GLDC: variants seen among roughly 807,000 people sequenced by gnomAD.
GLDC encodes the protein glycine dehydrogenase (decarboxylating), mitochondrial.
A neutral mutation model predicts 121.3 loss-of-function variants in GLDC; 104 were observed. The observed-to-expected ratio is 0.86, with a 90% CI of 0.73 to 1.01. GLDC has a LOEUF of 1.01. GLDC is among the 50% of genes least tolerant of loss of function. GLDC has a pLI of 0.00. For synonymous variants in GLDC, 546 were observed against 480.6 expected (o/e 1.14, Z -1.78); for missense variants, 1,429 against 1,306.6 (o/e 1.09, Z -1.44).
chr9:6,582,157 G>A (rs1446122393), intron 15 of GLDC, among the ~76,000 whole-genome samples: 1 of 139,338 alleles, frequency 7.2e-6, no homozygotes, highest in African/African-American at 2.7e-5. Context: ...GGAGGTTGCA[G>A]TGAGCCAAGA....
At chr9:6,633,865 T>A (rs1819442321) in intron 2 of GLDC, among the ~76,000 whole-genome samples, 1 of 125,182 alleles carries the variant, frequency 8.0e-6, no homozygotes, top group African/African-American at 3.2e-5. Flanking sequence ...AGTCTCACTC[T>A]GTCGCTCAGG....
Position 6,607,301 on chromosome 9 carries a change from G to T in GLDC, c.636-632C>A, listed in dbSNP as rs141561298. On this transcript the variant is annotated intron_variant, in intron 4 of 24. Transcript: ENST00000321612. Reference sequence around the variant, plus strand: ...CAGTGATTAGATACAAGTGTAAACTGGACAGGTGCGGTGGCTCACACCTGT... The same window carrying T: ...CAGTGATTAGATACAAGTGTAAACTTGACAGGTGCGGTGGCTCACACCTGT... 5.1e-4 allele frequency among the ~76,000 whole-genome samples: 78 copies of T among 152,230 alleles called. 1 individual carries two copies. The highest frequency in any genetic ancestry group is 3.4e-3 in the Middle Eastern group (1 of 294).
At chr9:6,592,278 AG>A in intron 10 of GLDC, 55 bp from the exon 11 acceptor site, 1 of 1,078,076 alleles carries the variant, frequency 9.3e-7, no homozygotes, top group Non-Finnish European at 1.4e-6. Flanking sequence ...ACATCACTGG[AG>A]GAATCCCAAG....
At chr9:6,617,468 T>C (rs1309197461) in intron 3 of GLDC, among the ~76,000 whole-genome samples, 1 of 152,156 alleles carries the variant, frequency 6.6e-6, no homozygotes, top group Non-Finnish European at 1.5e-5. Context: ...TTTTGAGGCT[T>C]TTCTTAAGGG....
intron 2 of GLDC, among the ~76,000 whole-genome samples, chr9:6,629,795 ATTG>A (rs965003998): frequency 5.3e-5 from 8 of 151,022 alleles, no homozygotes; most frequent in African/African-American, 2.0e-4. Context: ...TACCCACAAT[ATTG>A]TTATCATTTA....
chr9:6,550,024 C>T (rs17591030), intron 21 of GLDC, among the ~76,000 whole-genome samples: 33,576 of 152,066 alleles, frequency 0.22, 4,445 homozygotes, highest in Admixed American at 0.29. Context: ...TCACTCCAGA[C>T]CAGAGAGCTT....
intron 7 of GLDC, among the ~76,000 whole-genome samples, chr9:6,603,874 C>T (rs1818676967): frequency 6.6e-6 from 1 of 151,640 alleles, no homozygotes. Flanking sequence ...GGACTACAGG[C>T]GCCCACCACC....
At chr9:6,577,679 C>G (rs1818093843) in intron 15 of GLDC, among the ~76,000 whole-genome samples, 1 of 152,132 alleles carries the variant, frequency 6.6e-6, no homozygotes, top group South Asian at 2.1e-4. Flanking sequence ...TTTCATACAT[C>G]TTTCCACCTA....
chr9:6,600,791 C>G (rs1435197211), intron 8 of GLDC, among the ~76,000 whole-genome samples: 1 of 152,158 alleles, frequency 6.6e-6, no homozygotes, highest in Non-Finnish European at 1.5e-5. Flanking sequence ...AACACTTCGA[C>G]CTAAGCCCTG....
chr9:6,619,871 C>A (rs1223433892), intron 3 of GLDC, among the ~76,000 whole-genome samples: 1 of 152,166 alleles, frequency 6.6e-6, no homozygotes, highest in Non-Finnish European at 1.5e-5. Flanking sequence ...AATCTGCCCA[C>A]CTGCAGGTTT....
intron 16 of GLDC, among the ~76,000 whole-genome samples, chr9:6,563,989 T>A (rs1160592231): frequency 6.6e-6 from 1 of 151,976 alleles, no homozygotes; most frequent in South Asian, 2.1e-4. Flanking sequence ...CTCACACCTA[T>A]AATCCCAGCA....
At chr9:6,594,226 A>T (rs1023073255) in intron 9 of GLDC, among the ~76,000 whole-genome samples, 1 of 150,862 alleles carries the variant, frequency 6.6e-6, no homozygotes, top group African/African-American at 2.5e-5. Flanking sequence ...CTAAAATTCT[A>T]TGTCTACTGG....
chr9:6,553,871 C>A (rs1449972653), intron 19 of GLDC, among the ~76,000 whole-genome samples: 1 of 152,140 alleles, frequency 6.6e-6, no homozygotes, highest in Non-Finnish European at 1.5e-5. Context: ...TGAGAAGATG[C>A]CCCATGGGCT....
At chr9:6,638,964 G>A (rs1477671672) in intron 2 of GLDC, among the ~76,000 whole-genome samples, 4 of 151,530 alleles carry the variant, frequency 2.6e-5, no homozygotes, top group South Asian at 2.1e-4. Context: ...AGCCAAGACC[G>A]TGCCACTGCA....
chr9:6,545,301 C>T (rs371461780), intron 21 of GLDC, among the ~76,000 whole-genome samples: 1 of 152,188 alleles, frequency 6.6e-6, no homozygotes, highest in African/African-American at 2.4e-5. Flanking sequence ...ACCTAGGCTA[C>T]ATGGTACAGC....
At chr9:6,630,081 C>T (rs896127679) in intron 2 of GLDC, among the ~76,000 whole-genome samples, 167 of 150,726 alleles carry the variant, frequency 1.1e-3, no homozygotes, top group Non-Finnish European at 8.1e-4. Flanking sequence ...TGAGCCACCC[C>T]ACCTGGTCTC....
chr9:6,592,254 C>A (rs989058056), intron 10 of GLDC, 31 bp from the exon 11 acceptor site: 1 of 1,294,488 alleles, frequency 7.7e-7, no homozygotes, highest in African/African-American at 1.4e-5. Flanking sequence ...TGGAAAACAT[C>A]AACTCTAAAC....
At chr9:6,617,257 T>C (rs1818984284) in intron 3 of GLDC, among the ~76,000 whole-genome samples, 1 of 152,044 alleles carries the variant, frequency 6.6e-6, no homozygotes, top group South Asian at 2.1e-4. Flanking sequence ...TAGAAAGAAA[T>C]AGTATTTAAA....
At chr9:6,611,487 C>T (rs954905244) in intron 3 of GLDC, among the ~76,000 whole-genome samples, 3 of 150,516 alleles carry the variant, frequency 2.0e-5, no homozygotes, top group Non-Finnish European at 2.9e-5. Flanking sequence ...ACCCGCGGGG[C>T]GGAGGTTGCA....
Sources: allele counts gnomAD v4.1 joint callset (sites outside exome capture counted in the v4.1 genomes callset), GRCh38; gene constraint gnomAD v4.1.1; transcripts MANE v1.5; gene names NCBI Gene and HGNC (gene_info 2026-07-23, HGNC 2026-07-21).